The following PLCH2 variants were observed in gnomAD, a reference collection of about 807,000 sequenced individuals.
PLCH2 encodes 1-phosphatidylinositol 4,5-bisphosphate phosphodiesterase eta-2.
PLCH2 carries 98 observed loss-of-function variants against 134.7 expected under a neutral mutation model. That is an observed-to-expected ratio of 0.73 (90% CI 0.62 to 0.86). PLCH2 has a LOEUF of 0.86. Among genes scored for constraint, PLCH2 ranks in the 40% least tolerant of loss-of-function variants. The pLI is 0.00. For missense variants in PLCH2, 1,994 were observed against 1,986.6 expected (o/e 1.00, Z -0.07); for synonymous variants, 974 against 827.5 (o/e 1.18, Z -3.04).
chr1:2,505,004 G>A lies in PLCH2; in HGVS notation c.4042G>A (p.Ala1348Thr). ...SSSRSHSRVR[A>T]IASRARQAQE... ...CTCCCGCAGCCACAGCCGCGTGCGT[G>A]CCATTGCCAGCCGGGCCCGCCAGGC... Residue 1348 changes from alanine (A) to threonine (T), a missense_variant, in exon 22 of 22, where the codon GCC becomes ACC. By Grantham distance (58) the Ala-to-Thr change is moderately conservative. This residue lies in a region of PLCH2 where 900 missense variants were observed against 752.3 expected (regional missense o/e 1.20). Coordinates refer to ENST00000378486, the MANE Select transcript of PLCH2 (RefSeq NM_014638.4). 1 of 1,544,108 alleles carries A rather than the reference G, an allele frequency of 6.5e-7. No individual in the cohort carries two copies. Among genetic ancestry groups the A allele is most frequent in the Non-Finnish European group, 8.7e-7 (1 of 1,150,708 alleles).
chr1:2,417,334 T>C, the PLCH2 span, among the ~76,000 whole-genome samples: 1 of 152,160 alleles, frequency 6.6e-6, no homozygotes, highest in East Asian at 1.9e-4. Flanking sequence ...GGGAGGGCTC[T>C]GTCCATGTGA....
In PLCH2 at chr1:2,479,951, G is replaced by A. The variant is rs1641866641; in HGVS notation, c.489G>A (p.Leu163=). 2 of 1,607,330 alleles carry A rather than the reference G, an allele frequency of 1.2e-6. No homozygotes were observed. Among genetic ancestry groups the A allele is most frequent in the African/African-American group, 1.3e-5 (1 of 74,828 alleles). Residue 163 remains leucine, a synonymous_variant, in exon 3 of 22, where the codon CTG becomes CTA. Coordinates refer to ENST00000378486, the MANE Select transcript of PLCH2 (RefSeq NM_014638.4). ...CCGGCATCAGCGACGAGGACAGCCT[G>A]GCTCGCCGCCAGCGCACCAGGGACC... ...LMAGISDEDS[L]ARRQRTRDQW...
chr1:2,479,592 C>T, intron 2 of PLCH2, 142 bp from the exon 3 acceptor site: 1 of 780,174 alleles, frequency 1.3e-6, no homozygotes. Context: ...GGTTCTTGAA[C>T]TCTGGACCCT....
At chr1:2,497,762 C>A (rs535727246) in intron 16 of PLCH2, 153 bp downstream of exon 16, 1 of 567,974 alleles carries the variant, frequency 1.8e-6, no homozygotes, top group African/African-American at 1.9e-5. Context: ...GACGAAGCTC[C>A]CAGGATGCTG....
intron 2 of PLCH2, among the ~76,000 whole-genome samples, chr1:2,432,388 C>T (rs1639110515): frequency 6.6e-6 from 1 of 152,184 alleles, no homozygotes. Context: ...GCACTGGGGC[C>T]AGCCCCCTGC....
chr1:2,425,260 TACAC>T (rs973711078), upstream of PLCH2, among the ~76,000 whole-genome samples: 17 of 150,406 alleles, frequency 1.1e-4, no homozygotes, highest in South Asian at 8.5e-4. Flanking sequence ...CACACATACA[TACAC>T]ACATATACAC....
intron 4 of PLCH2, among the ~76,000 whole-genome samples, chr1:2,484,195 G>T (rs1005305457): frequency 6.6e-6 from 1 of 152,136 alleles, no homozygotes. Flanking sequence ...GTATATGGAG[G>T]TGGCTGTGGG....
rs1374130987 is a variant in PLCH2 at position 2,504,153 on chromosome 1, C to T, written c.3191C>T (p.Ala1064Val). Residue 1064 changes from alanine (A) to valine (V), a missense_variant, in exon 22 of 22, where the codon GCC becomes GTC. Ala to Val is a moderately conservative substitution (Grantham distance 64). Around this residue, in one of 2 missense-constraint regions of PLCH2, gnomAD observed 900 missense variants for 752.3 expected, o/e 1.20. Transcript: ENST00000378486. ...CCTCGGCCGTGCAACGGCGAGGGCG[C>T]CGGCGGGGCATACGAGAGGGCCCCC... ...SRPRPCNGEG[A>V]GGAYERAPGS... is the part of the protein sequence containing the mutation. The T allele has an allele frequency of 3.9e-6, 6 of 1,523,676 alleles. No individual in the cohort carries two copies. Among genetic ancestry groups the T allele is most frequent in the Admixed American group, 2.3e-5 (1 of 43,394 alleles). 94.4% of individuals were successfully genotyped at this position (1,523,676 alleles called of 1,614,324 possible).
At chr1:2,480,119 C>G in intron 3 of PLCH2, 64 bp from the exon 4 acceptor site, 1 of 1,600,128 alleles carries the variant, frequency 6.2e-7, no homozygotes, top group East Asian at 2.2e-5. Flanking sequence ...CCTCCCTAGG[C>G]CAGAGGGTGG....
At chr1:2,484,944 C>A (rs185654929) in intron 5 of PLCH2, among the ~76,000 whole-genome samples, 1 of 152,152 alleles carries the variant, frequency 6.6e-6, no homozygotes, top group African/African-American at 2.4e-5. Context: ...ACTGTGAACA[C>A]CCTGCGCCTC....
At chr1:2,423,814 G>A (rs563185962), upstream of PLCH2, among the ~76,000 whole-genome samples, 31 of 152,262 alleles carry the variant, frequency 2.0e-4, no homozygotes, top group African/African-American at 6.3e-4. Context: ...ATCTTGGGAC[G>A]GGGTCTGTGT....
chr1:2,425,270 T>TAC (rs139613263), upstream of PLCH2, among the ~76,000 whole-genome samples: 1 of 142,722 alleles, frequency 7.0e-6, no homozygotes, highest in Non-Finnish European at 1.5e-5. Flanking sequence ...TACACACATA[T>TAC]ACACACACAT....
upstream of PLCH2, among the ~76,000 whole-genome samples, chr1:2,463,629 A>T (rs2494635): frequency 4.0e-5 from 6 of 151,468 alleles, no homozygotes; most frequent in African/African-American, 1.2e-4. Context: ...AGACAGCTGC[A>T]GCCCGGAGAC....
the PLCH2 span, among the ~76,000 whole-genome samples, chr1:2,419,280 C>T: frequency 1.3e-5 from 2 of 152,224 alleles, no homozygotes; most frequent in Non-Finnish European, 2.9e-5. Context: ...TCTATCCATC[C>T]GTAAATCCAT....
chr1:2,503,110 G>C, intron 21 of PLCH2: 1 of 686,148 alleles, frequency 1.5e-6, no homozygotes, highest in Non-Finnish European at 2.7e-6. Context: ...GTCTGAGCTT[G>C]AGGCCCTGGG....
chr1:2,499,664 G>T lies in PLCH2; in HGVS notation c.2605G>T (p.Gly869Trp). 6.2e-7 allele frequency: 1 copy of T among 1,602,278 alleles called. No homozygotes were observed. Residue 869 changes from glycine to tryptophan, a missense_variant, in exon 20 of 22, where the codon GGG (glycine) becomes TGG (tryptophan). Around this residue, in one of 2 missense-constraint regions of PLCH2, gnomAD observed 1,094 missense variants for 1,234.3 expected, o/e 0.89. Transcript: ENST00000378486. ...MPGYRHVYLE[G>W]MEEASIFVHV... The stretch of plus-strand genomic sequence containing the variant: ...AGGCTACAGACACGTGTACCTAGAA[G>T]GGATGGAAGAGGCCTCCATCTTCGT...
At chr1:2,456,130 C>T (rs536317946) in intron 2 of PLCH2, among the ~76,000 whole-genome samples, 2 of 152,192 alleles carry the variant, frequency 1.3e-5, no homozygotes, top group Admixed American at 6.5e-5. Context: ...GTTTGGGATG[C>T]GGAGCCCAGA....
At chr1:2,475,148 G>A (rs1054041223), upstream of PLCH2, among the ~76,000 whole-genome samples, 2 of 152,170 alleles carry the variant, frequency 1.3e-5, no homozygotes, top group African/African-American at 4.8e-5. Flanking sequence ...AGCTGGAGAC[G>A]CATGGCCATC....
chr1:2,425,222 A>G (rs971191382), upstream of PLCH2, among the ~76,000 whole-genome samples: 3 of 150,998 alleles, frequency 2.0e-5, no homozygotes, highest in Non-Finnish European at 2.9e-5. Flanking sequence ...ATGCACACAC[A>G]CACATATTTA....
Sources: allele counts gnomAD v4.1 joint callset (sites outside exome capture counted in the v4.1 genomes callset), GRCh38; gene constraint gnomAD v4.1.1; regional missense constraint gnomAD v4.1.1; transcripts MANE v1.5; gene names NCBI Gene and HGNC (gene_info 2026-07-23, HGNC 2026-07-21).